Variants in SZT2 observed in about 807,000 individuals in gnomAD.
SZT2 encodes the protein KICSTOR complex protein SZT2.
A neutral mutation model predicts 404.2 loss-of-function variants in SZT2; 216 were observed. The observed-to-expected ratio is 0.53, with a 90% CI of 0.48 to 0.60. SZT2 has a LOEUF of 0.60. SZT2 is among the 20% of genes least tolerant of loss of function. SZT2 has a pLI of 0.00. For synonymous variants in SZT2, 1,693 were observed against 1,749.9 expected, an observed-to-expected ratio of 0.97 and a Z score of 0.81; for missense variants, 3,857 against 4,459.2, an observed-to-expected ratio of 0.86 and a Z score of 3.85.
intron 6 of SZT2, among the ~76,000 whole-genome samples, 197 bp downstream of exon 6, chr1:43,416,298 G>A (rs1651713976): frequency 6.6e-6 from 1 of 152,162 alleles, no homozygotes; most frequent in African/African-American, 2.4e-5. Context: ...GACCCTAGAA[G>A]GAGTAGAGCT....
chr1:43,437,275 C>T lies in SZT2; in HGVS notation c.6139C>T (p.Arg2047Ter), dbSNP rs766341332. 7 of 1,613,986 alleles carry T rather than the reference C, an allele frequency of 4.3e-6. No homozygotes were observed. The highest frequency in any genetic ancestry group is 2.2e-5 in the East Asian group (1 of 44,876). Residue 2047 changes from arginine to a stop codon, truncating the protein, a stop_gained, in exon 43 of 72, where the codon CGA becomes TGA. Coordinates refer to ENST00000634258, the MANE Select transcript of SZT2 (RefSeq NM_001365999.1). LOFTEE classifies it high-confidence loss of function. This position sits in a 1 kb window ranked among gnomAD's most constrained non-coding sequence, Gnocchi z 5.3. Reference sequence around the variant, plus strand: ...TGACGTTGTGTGGGGAACTGTGATCCGAGTCCATTCACGCCTCAAAATGGG... The same window carrying T: ...TGACGTTGTGTGGGGAACTGTGATCTGAGTCCATTCACGCCTCAAAATGGG... Reference protein sequence around the residue: ...SCDVVWGTVIRVHSRLKMGPS... With the variant: ...SCDVVWGTVI
chr1:43,430,945 C>G lies in SZT2; in HGVS notation c.4775-4C>G, dbSNP rs1414891394. On this transcript the variant is annotated splice_polypyrimidine_tract_variant and splice_region_variant and intron_variant, in intron 32 of 71. Transcript: ENST00000634258. ...AGCAACTGCTAACTTTCCCCCTCTCCCAGGCCAGGTGCTTTCCAGTCTGGA... is the reference window on the plus strand; with the variant it reads ...AGCAACTGCTAACTTTCCCCCTCTCGCAGGCCAGGTGCTTTCCAGTCTGGA... 1.2e-6 allele frequency: 2 copies of G among 1,610,584 alleles called. No individual in the cohort carries two copies.
chr1:43,423,898 G>A (rs1049026202), intron 15 of SZT2, among the ~76,000 whole-genome samples: 3 of 144,046 alleles, frequency 2.1e-5, no homozygotes, highest in African/African-American at 7.9e-5. Context: ...TGAGTGGTAA[G>A]GAGTGTGGAA....
At chr1:43,396,798 C>G in intron 1 of SZT2, among the ~76,000 whole-genome samples, 1 of 152,210 alleles carries the variant, frequency 6.6e-6, no homozygotes, top group East Asian at 1.9e-4. Context: ...TTGCACTCCC[C>G]CAGGGTTCCA....
rs566497062 is a variant in SZT2, at chr1:43,431,991, C to T, written c.5274+90C>T. On this transcript the variant is annotated intron_variant, in intron 36 of 71. Transcript: ENST00000634258. Reference sequence around the variant, plus strand: ...AGGACTGGAAGGCCCTCTGTTAGTTCGAACTCATAGAGTTATCCCTCCTGT... The same window carrying T: ...AGGACTGGAAGGCCCTCTGTTAGTTTGAACTCATAGAGTTATCCCTCCTGT... 641 of 1,476,704 alleles carry T rather than the reference C, an allele frequency of 4.3e-4. 1 individual carries two copies. The highest frequency in any genetic ancestry group is 1.8e-3 in the Middle Eastern group (8 of 4,540). 91.5% of individuals were successfully genotyped at this position (1,476,704 alleles called of 1,614,324 possible).
chr1:43,416,992 G>A (rs540838959), intron 7 of SZT2, among the ~76,000 whole-genome samples: 14 of 152,216 alleles, frequency 9.2e-5, no homozygotes, highest in African/African-American at 3.4e-4. Flanking sequence ...AAAAGGCATA[G>A]CCAGGGACTG....
intron 4 of SZT2, chr1:43,410,138 A>G (rs1201153237): frequency 1.3e-5 from 2 of 152,334 alleles, no homozygotes; most frequent in African/African-American, 2.4e-5. Flanking sequence ...ACAGATGCCA[A>G]GAACATACAT....
rs771530504 is a variant in SZT2 at position 43,426,044 on chromosome 1, A to G, written c.2936A>G (p.Asp979Gly). The change falls in exon 21 of 72, where the codon GAT becomes GGT. Residue 979 changes from aspartate (D) to glycine (G), a missense_variant. By Grantham distance (94) the Asp-to-Gly change is moderately conservative. Coordinates refer to ENST00000634258, the MANE Select transcript of SZT2 (RefSeq NM_001365999.1). This position sits in a 1 kb window ranked among gnomAD's most constrained non-coding sequence, Gnocchi z 4.9. ...TGTCCTTCCTCCCTCGTAGGATTGG[A>G]TCAGGGAGGAGACACCTGCGTCCAT... The part of the protein sequence containing the change: ...PPEPRVSDGL[D>G]QGGDTCVHEI... 3.1e-6 allele frequency: 5 copies of G among 1,613,846 alleles called. No individual in the cohort carries two copies. The Admixed American group carries it at 8.3e-5, about 27-fold the overall frequency.
intron 7 of SZT2, among the ~76,000 whole-genome samples, chr1:43,418,660 C>G (rs1314138068): frequency 6.6e-6 from 1 of 152,082 alleles, no homozygotes; most frequent in Non-Finnish European, 1.5e-5. Context: ...AGGCTATGAT[C>G]GTAGTTGGGG....
chr1:43,445,881 T>A lies in SZT2; in HGVS notation c.8826-13T>A. ...GCCTGCCTCATCCTCTTATCCCTCCTCCTTTTCTATAGCACCAGCCGGCCA... is the reference window on the plus strand; with the variant it reads ...GCCTGCCTCATCCTCTTATCCCTCCACCTTTTCTATAGCACCAGCCGGCCA... On this transcript the variant is annotated splice_polypyrimidine_tract_variant and intron_variant, in intron 62 of 71. Coordinates refer to ENST00000634258, the MANE Select transcript of SZT2 (RefSeq NM_001365999.1). 6.2e-7 allele frequency: 1 copy of A among 1,613,866 alleles called. No individual in the cohort carries two copies. Among genetic ancestry groups the A allele is most frequent in the East Asian group, 2.2e-5 (1 of 44,866 alleles).
At position 43,439,898 on chromosome 1, in the gene SZT2, C is replaced by G. The variant is rs141135758; in HGVS notation, c.7060C>G (p.Arg2354Gly). The change falls in exon 51 of 72, where the codon CGG becomes GGG. Residue 2354 changes from arginine to glycine, a missense_variant. This residue lies in a region of SZT2 where 573 missense variants were observed against 592.4 expected (regional missense o/e 0.97). Coordinates refer to ENST00000634258, the MANE Select transcript of SZT2 (RefSeq NM_001365999.1). The surrounding 1 kb of genome is among the most constrained non-coding windows in gnomAD (Gnocchi z 4.2). ...DSSSAQNGAP[R>G]LRLDVWEKGN... Reference sequence around the variant, plus strand: ...CCTTCCAGCTCAGAATGGGGCCCCACGGCTTCGATTGGATGTGTGGGAAAA... The same window carrying G: ...CCTTCCAGCTCAGAATGGGGCCCCAGGGCTTCGATTGGATGTGTGGGAAAA... 6.3e-7 allele frequency: 1 copy of G among 1,599,826 alleles called. No homozygotes were observed. The highest frequency in any genetic ancestry group is 1.1e-5 in the South Asian group (1 of 87,976).
intron 12 of SZT2, 37 bp downstream of exon 12, chr1:43,422,262 A>G (rs1478377751): frequency 3.2e-6 from 5 of 1,550,200 alleles, no homozygotes; most frequent in Non-Finnish European, 3.5e-6. Context: ...GTTGGGGTGG[A>G]GTATCGGGGT....
chr1:43,427,609 G>A lies in SZT2; in HGVS notation c.3678G>A (p.Gln1226=). ...CTTACGCTGGGCGTCAGGCTTCCCA[G>A]ACAGAGAGTGCGGATGGGCCCCGGA... ...LQAYAGRQAS[Q]TESADGPRTR... The change falls in exon 26 of 72, where the codon CAG becomes CAA. Residue 1226 remains glutamine, a synonymous_variant. Coordinates refer to ENST00000634258, the MANE Select transcript of SZT2 (RefSeq NM_001365999.1). 1 of 1,614,242 alleles carries A rather than the reference G, an allele frequency of 6.2e-7. No individual in the cohort carries two copies. Among genetic ancestry groups the A allele is most frequent in the Non-Finnish European group, 8.5e-7 (1 of 1,180,042 alleles).
Position 43,453,530 on chromosome 1 carries a change from G to A in SZT2, c.*3050G>A, listed in dbSNP as rs377083938. 3.3e-6 allele frequency: 5 copies of A among 1,531,126 alleles called. No individual in the cohort carries two copies. In the African/African-American group the frequency reaches 5.5e-5, roughly 17 times the overall value. 94.8% of individuals were successfully genotyped at this position (1,531,126 alleles called of 1,614,324 possible). A position where few individuals can be genotyped will look rare whatever the true frequency, so the allele number is the denominator to read the frequency against. On this transcript the variant is annotated 3_prime_UTR_variant, in exon 72 of 72. Coordinates refer to ENST00000634258, the MANE Select transcript of SZT2 (RefSeq NM_001365999.1). ...GAGAACGGGCCTCAGCCCCCGGCTC[G>A]GACACTCCCCTGCCCGCGCCCCGGC...
In SZT2 at chr1:43,430,564, C is replaced by T. The variant is rs1336611946; in HGVS notation, c.4549C>T (p.Arg1517Cys). The change falls in exon 32 of 72, where the codon CGT becomes TGT. Residue 1517 changes from arginine (R) to cysteine (C), a missense_variant. Arg to Cys is a radical substitution (Grantham distance 180). This residue lies in a region of SZT2 where 1,725 missense variants were observed against 1,881.0 expected (regional missense o/e 0.92). Transcript: ENST00000634258. Reference sequence around the variant, plus strand: ...GCTAGAGGTAGAATACCGGGAGAGCCGTGAATCAGACCTGGGGCCTGCTGG... The same window carrying T: ...GCTAGAGGTAGAATACCGGGAGAGCTGTGAATCAGACCTGGGGCCTGCTGG... ...PELEVEYRES[R>C]ESDLGPAGLD... 5.6e-6 allele frequency: 9 copies of T among 1,614,048 alleles called. No homozygotes were observed. The highest frequency in any genetic ancestry group is 2.2e-5 in the South Asian group (2 of 91,082).
rs1197443814 is a variant in SZT2, at chr1:43,427,611, C to CA, written c.3681dup (p.Glu1228ArgfsTer64). The CA allele has an allele frequency of 6.2e-7, 1 of 1,614,136 alleles. No homozygotes were observed. The highest frequency in any genetic ancestry group is 2.2e-5 in the East Asian group (1 of 44,892). On this transcript the variant is annotated frameshift_variant, in exon 26 of 72. Transcript: ENST00000634258. LOFTEE classifies it high-confidence loss of function. ...TACGCTGGGCGTCAGGCTTCCCAGA[C>CA]AGAGAGTGCGGATGGGCCCCGGACC...
At chr1:43,422,907 T>C in intron 14 of SZT2, 24 bp downstream of exon 14, 1 of 1,558,090 alleles carries the variant, frequency 6.4e-7, no homozygotes, top group South Asian at 1.2e-5. Context: ...TGACTGACTC[T>C]GACCAAGGAG....
rs1353206447 is a variant in SZT2 at position 43,427,683 on chromosome 1, A to T, written c.3752A>T (p.Glu1251Val). 6.2e-7 allele frequency: 1 copy of T among 1,614,012 alleles called. No homozygotes were observed. Among genetic ancestry groups the T allele is most frequent in the African/African-American group, 1.3e-5 (1 of 74,904 alleles). Residue 1251 changes from glutamate (E) to valine (V), a missense_variant, in exon 26 of 72, where the codon GAA becomes GTA. Transcript: ENST00000634258. ...IYSCSLEALREQMVGMQPPQA... is the reference protein window; with the variant it reads ...IYSCSLEALRVQMVGMQPPQA... ...AGCTGTTCACTGGAAGCGCTGAGGG[A>T]ACAAATGGTTGGCATGCAGCCCCCT... is the stretch of plus-strand genomic sequence containing the variant.
In SZT2 at chr1:43,451,691, A is replaced by T; in HGVS notation, c.*1211A>T. 1 of 1,614,136 alleles carries T rather than the reference A, an allele frequency of 6.2e-7. No individual in the cohort carries two copies. Among genetic ancestry groups the T allele is most frequent in the Non-Finnish European group, 8.5e-7 (1 of 1,180,016 alleles). On this transcript the variant is annotated 3_prime_UTR_variant, in exon 72 of 72. Transcript: ENST00000634258. ...CCCGGATGTTTCCTGTCAGGTTCCCATCCATGATCTGCCAGTGGAATATGT... is the reference window on the plus strand; with the variant it reads ...CCCGGATGTTTCCTGTCAGGTTCCCTTCCATGATCTGCCAGTGGAATATGT...
Sources: gnomAD v4.1 joint callset for allele counts (sites outside exome capture counted in the v4.1 genomes callset) on GRCh38, gnomAD v4.1.1 for gene constraint, gnomAD v4.1.1 regional missense constraint, Gnocchi (gnomAD v3.1) non-coding constraint, MANE v1.5 for transcripts, NCBI Gene and HGNC (gene_info 2026-07-23, HGNC 2026-07-21) for gene names.